PLXNA4: variants seen among roughly 807,000 people sequenced by gnomAD.
PLXNA4 encodes plexin A4.
Under a neutral mutation model 191.8 loss-of-function variants are expected in PLXNA4, and 44 were observed. The ratio of observed to expected loss-of-function variants is 0.23; its 90% CI spans 0.18 to 0.29. The LOEUF is 0.29. Among genes scored for constraint, PLXNA4 ranks in the 10% least tolerant of loss-of-function variants. PLXNA4 has a pLI of 1.00. For synonymous variants in PLXNA4, 1,082 were observed against 1,009.5 expected, an observed-to-expected ratio of 1.07 and a Z score of -1.36; for missense variants, 1,800 against 2,488.8, an observed-to-expected ratio of 0.72 and a Z score of 5.89.
At chr7:132,416,683 T>G (rs182170874) in intron 3 of PLXNA4, among the ~76,000 whole-genome samples, 1 of 152,326 alleles carries the variant, frequency 6.6e-6, no homozygotes, top group East Asian at 1.9e-4. Context: ...AATGAGACAT[T>G]GAACATTTGT....
intron 25 of PLXNA4, among the ~76,000 whole-genome samples, chr7:132,151,279 G>GAGGAGGAGGAGGAAGAAGA (rs1795594973): frequency 1.3e-5 from 1 of 78,104 alleles, no homozygotes; most frequent in African/African-American, 3.9e-5. Context: ...GAAGAAGAAG[G>GAGGAGGAGGAGGAAGAAGA]AGGAGGAGGA....
chr7:132,565,907 A>AGCTCCAGT (rs1801702255), intron 1 of PLXNA4, among the ~76,000 whole-genome samples: 1 of 152,198 alleles, frequency 6.6e-6, no homozygotes. Context: ...AGAGCGACAG[A>AGCTCCAGT]GCTCCAGTGC....
At chr7:132,529,311 T>C (rs1448349189) in intron 1 of PLXNA4, among the ~76,000 whole-genome samples, 1 of 152,190 alleles carries the variant, frequency 6.6e-6, no homozygotes, top group Non-Finnish European at 1.5e-5. Context: ...CCTCAAATCC[T>C]CCCTACTCTG....
chr7:132,162,463 G>A (rs1795979313), intron 24 of PLXNA4, among the ~76,000 whole-genome samples: 1 of 152,168 alleles, frequency 6.6e-6, no homozygotes, highest in Non-Finnish European at 1.5e-5. Context: ...CTGGAACAAA[G>A]GATGTTGCAA....
intron 4 of PLXNA4, 85 bp from the exon 5 acceptor site, chr7:132,241,251 A>T: frequency 2.2e-6 from 2 of 889,656 alleles, no homozygotes; most frequent in Non-Finnish European, 3.4e-6. Flanking sequence ...TCTAAATATC[A>T]AGTGTATCAC....
intron 3 of PLXNA4, among the ~76,000 whole-genome samples, chr7:132,382,979 A>G (rs1804959414): frequency 6.6e-6 from 1 of 152,216 alleles, no homozygotes; most frequent in Non-Finnish European, 1.5e-5. Flanking sequence ...ATAGGAATAC[A>G]AGTTCTTATG....
chr7:132,280,282 T>C (rs1800431373), intron 4 of PLXNA4, among the ~76,000 whole-genome samples: 2 of 150,892 alleles, frequency 1.3e-5, no homozygotes, highest in Non-Finnish European at 3.0e-5. Flanking sequence ...GAGATTGAGA[T>C]AAAAATAAGG....
At chr7:132,473,614 G>A (rs545158906) in intron 3 of PLXNA4, among the ~76,000 whole-genome samples, 8 of 152,236 alleles carry the variant, frequency 5.3e-5, no homozygotes, top group African/African-American at 9.6e-5. Context: ...AGAGTGGTTC[G>A]TATCACACTG....
rs892359067 is a variant in PLXNA4 at position 132,124,928 on chromosome 7, G to A, written c.*5551C>T. The A allele has an allele frequency of 6.6e-5, 10 of 152,154 alleles. No homozygotes were observed. The highest frequency in any genetic ancestry group is 2.4e-4 in the African/African-American group (10 of 41,494). The allele number at this position is 152,154 out of a possible 1,614,324, so 9.4% of individuals were successfully genotyped here. A position where few individuals can be genotyped will look rare whatever the true frequency, so the allele number is the denominator to read the frequency against. On this transcript the variant is annotated 3_prime_UTR_variant, in exon 32 of 32. Coordinates refer to ENST00000321063, the MANE Select transcript of PLXNA4 (RefSeq NM_020911.2). ...CAGTCTACTCAAGGAATTTAATCGG[G>A]ATCCTAATGAGTATGTATTTCTCTT...
chr7:132,483,206 T>C (rs1041217373), intron 3 of PLXNA4, among the ~76,000 whole-genome samples: 1 of 152,106 alleles, frequency 6.6e-6, no homozygotes, highest in African/African-American at 2.4e-5. Context: ...CCCATCAGAG[T>C]GGCTGAGGAA....
At chr7:132,411,337 G>A (rs1457030690) in intron 3 of PLXNA4, among the ~76,000 whole-genome samples, 4 of 152,068 alleles carry the variant, frequency 2.6e-5, no homozygotes, top group Admixed American at 2.0e-4. Flanking sequence ...CCACCTGTTC[G>A]GGCTTCACCC....
rs142175779 is a variant in PLXNA4, at chr7:132,461,047, G to A, written c.1371+28245C>T. Among the ~76,000 whole-genome samples, 89 of 152,244 alleles carry A rather than the reference G, an allele frequency of 5.8e-4. 1 individual carries two copies. Among genetic ancestry groups the A allele is most frequent in the Middle Eastern group, 3.4e-3 (1 of 294 alleles). On this transcript the variant is annotated intron_variant, in intron 3 of 31. Coordinates refer to ENST00000321063, the MANE Select transcript of PLXNA4 (RefSeq NM_020911.2). ...AGAAAGAAAATGTCTGGGAAATGTCGTTTTTCAGTAAGATTCAAGAGGACT... is the reference window on the plus strand; with the variant it reads ...AGAAAGAAAATGTCTGGGAAATGTCATTTTTCAGTAAGATTCAAGAGGACT...
intron 2 of PLXNA4, among the ~76,000 whole-genome samples, chr7:132,616,188 A>G (rs944456752): frequency 6.6e-6 from 1 of 152,056 alleles, no homozygotes; most frequent in Non-Finnish European, 1.5e-5. Flanking sequence ...CACCCACTCC[A>G]TGTTCCATGC....
chr7:132,320,917 G>T (rs17218979), intron 3 of PLXNA4, among the ~76,000 whole-genome samples: 1 of 152,120 alleles, frequency 6.6e-6, no homozygotes, highest in South Asian at 2.1e-4. Context: ...GACTGCTCCC[G>T]CGGCAGGGCT....
chr7:132,495,730 A>G (rs1797986577), intron 2 of PLXNA4, among the ~76,000 whole-genome samples: 1 of 152,304 alleles, frequency 6.6e-6, no homozygotes, highest in African/African-American at 2.4e-5. Context: ...TGTCCGTTGC[A>G]TAGGGTAAGA....
intron 4 of PLXNA4, among the ~76,000 whole-genome samples, chr7:132,252,238 G>T (rs971979466): frequency 6.6e-6 from 1 of 151,120 alleles, no homozygotes; most frequent in Non-Finnish European, 1.5e-5. Flanking sequence ...AGCTTTGAGG[G>T]CATCTTCCAG....
chr7:132,639,479 T>C lies in PLXNA4; in HGVS notation c.-87+6449A>G, dbSNP rs1803673033. On this transcript the variant is annotated intron_variant, in intron 2 of 4. Transcript: ENST00000378539. ...AGAATTCAGGCAAAGTAAAATATAA[T>C]ATTTGCCACTCAGCTTGTCCCTCAT... Among the ~76,000 whole-genome samples, 6 of 152,186 alleles carry C rather than the reference T, an allele frequency of 3.9e-5. No homozygotes were observed. The South Asian group carries it at 1.2e-3, about 32-fold the overall frequency.
intron 3 of PLXNA4, among the ~76,000 whole-genome samples, chr7:132,366,279 G>A (rs1295525448): frequency 3.3e-5 from 5 of 151,960 alleles, no homozygotes; most frequent in East Asian, 1.9e-4. Context: ...TAATCCCAAC[G>A]CTTTGGGAGG....
chr7:132,518,226 GTGT>G (rs1290706980), intron 1 of PLXNA4, among the ~76,000 whole-genome samples: 1 of 152,176 alleles, frequency 6.6e-6, no homozygotes, highest in African/African-American at 2.4e-5. Flanking sequence ...TCAGAAATGA[GTGT>G]CACATTCATC....
Sources: allele counts gnomAD v4.1 joint callset (sites outside exome capture counted in the v4.1 genomes callset), GRCh38; gene constraint gnomAD v4.1.1; transcripts MANE v1.5; gene names NCBI Gene and HGNC (gene_info 2026-07-23, HGNC 2026-07-21).